HECW2: variants seen among roughly 807,000 people sequenced by gnomAD.
HECW2 encodes HECT, C2 and WW domain containing E3 ubiquitin protein ligase 2.
Under a neutral mutation model 175.2 loss-of-function variants are expected in HECW2, and 61 were observed. The observed-to-expected ratio is 0.35, with a 90% CI of 0.28 to 0.43. The LOEUF (loss-of-function observed/expected upper bound fraction) is 0.43, where lower values mean the gene tolerates loss of function less well. Ranked by LOEUF, HECW2 falls within the 20% of genes least tolerant of loss-of-function variation. The pLI is 1.00. For missense variants in HECW2, 1,524 were observed against 2,000.5 expected (o/e 0.76, Z 4.54); for synonymous variants, 671 against 731.0 (o/e 0.92, Z 1.32).
At chr2:196,456,324 T>G (rs987339991) in intron 1 of HECW2, among the ~76,000 whole-genome samples, 9 of 152,218 alleles carry the variant, frequency 5.9e-5, no homozygotes, top group Non-Finnish European at 8.8e-5. Flanking sequence ...ACATATTTAC[T>G]GAACATTTAT....
At position 196,412,049 on chromosome 2, in the gene HECW2, C is replaced by T. The variant is rs565598807; in HGVS notation, c.292+21083G>A. On this transcript the variant is annotated intron_variant, in intron 2 of 28. Transcript: ENST00000644978. ...AATAAATAAATGAATAAAAATTACACGGGAAGATCTTGTTATTCAGTTTAA... is the reference window on the plus strand; with the variant it reads ...AATAAATAAATGAATAAAAATTACATGGGAAGATCTTGTTATTCAGTTTAA... Among the ~76,000 whole-genome samples, 12 of 152,172 alleles carry T rather than the reference C, an allele frequency of 7.9e-5. No individual in the cohort carries two copies. The South Asian group carries it at 1.0e-3, about 13-fold the overall frequency.
intron 1 of HECW2, among the ~76,000 whole-genome samples, chr2:196,490,368 A>G (rs916664417): frequency 5.9e-5 from 9 of 152,190 alleles, no homozygotes; most frequent in Non-Finnish European, 1.0e-4. Flanking sequence ...GTCACCTGAC[A>G]ATGACAGGAG....
intron 2 of HECW2, among the ~76,000 whole-genome samples, chr2:196,428,202 A>T (rs1398291320): frequency 1.3e-5 from 2 of 152,300 alleles, no homozygotes; most frequent in East Asian, 3.9e-4. Context: ...TTCTATAGAG[A>T]CCATCTCTCT....
intron 1 of HECW2, among the ~76,000 whole-genome samples, chr2:196,465,758 G>A (rs1423634669): frequency 6.6e-6 from 1 of 150,830 alleles, no homozygotes; most frequent in Admixed American, 6.6e-5. Flanking sequence ...AACTGATCTG[G>A]ACCACTGATC....
chr2:196,457,688 CTA>C (rs148502782), intron 1 of HECW2, among the ~76,000 whole-genome samples: 12,368 of 152,106 alleles, frequency 0.081, 582 homozygotes, highest in South Asian at 0.16. Flanking sequence ...AGGAGCGGGA[CTA>C]TATGATTTCC....
Position 196,211,410 on chromosome 2 carries a change from G to A in HECW2, c.4607+4455C>T, listed in dbSNP as rs555288413. ...CAAAATACAGAGCTAACCACCGACC[G>A]CGAAGCAGAGGAAGTGCAGTCATGT... On this transcript the variant is annotated intron_variant, in intron 28 of 28. Transcript: ENST00000644978. Among the ~76,000 whole-genome samples, 64 of 152,268 alleles carry A rather than the reference G, an allele frequency of 4.2e-4. 2 individuals carry two copies. The South Asian group carries it at 0.013, about 32-fold the overall frequency.
chr2:196,563,459 A>G (rs1690074589), intron 1 of HECW2, among the ~76,000 whole-genome samples: 4 of 141,220 alleles, frequency 2.8e-5, no homozygotes, highest in African/African-American at 1.3e-4. Context: ...CCAGTTACCC[A>G]GGAGGCTGAG....
intron 28 of HECW2, among the ~76,000 whole-genome samples, chr2:196,211,947 A>G (rs1336886244): frequency 6.6e-6 from 1 of 152,006 alleles, no homozygotes; most frequent in Non-Finnish European, 1.5e-5. Flanking sequence ...GGTTCAAGCG[A>G]TTCTCCTGCC....
chr2:196,413,678 AT>A (rs1695177103), intron 2 of HECW2, among the ~76,000 whole-genome samples: 1 of 152,232 alleles, frequency 6.6e-6, no homozygotes, highest in East Asian at 1.9e-4. Flanking sequence ...ATGAGATAAT[AT>A]TATTAGAAGA....
chr2:196,485,268 G>C (rs980442522), intron 1 of HECW2, among the ~76,000 whole-genome samples: 2 of 152,204 alleles, frequency 1.3e-5, no homozygotes, highest in Non-Finnish European at 2.9e-5. Flanking sequence ...TGAGTTGGGA[G>C]CATAGCACAC....
chr2:196,352,036 CA>C (rs1430388458), intron 2 of HECW2, among the ~76,000 whole-genome samples: 2 of 152,228 alleles, frequency 1.3e-5, no homozygotes, highest in Non-Finnish European at 2.9e-5. Flanking sequence ...GGTGGGTCTT[CA>C]CAACTGAATG....
intron 1 of HECW2, among the ~76,000 whole-genome samples, chr2:196,577,872 C>T (rs904930421): frequency 3.3e-5 from 5 of 152,092 alleles, no homozygotes; most frequent in African/African-American, 1.2e-4. Context: ...AATAAATAAA[C>T]AACAACAACG....
intron 2 of HECW2, among the ~76,000 whole-genome samples, chr2:196,409,710 T>C (rs1695057457): frequency 6.6e-6 from 1 of 152,234 alleles, no homozygotes; most frequent in African/African-American, 2.4e-5. Context: ...ATTTGTCAAG[T>C]GCATGCTACT....
chr2:196,449,173 AG>A (rs1696274078), intron 1 of HECW2, among the ~76,000 whole-genome samples: 1 of 151,550 alleles, frequency 6.6e-6, no homozygotes, highest in Middle Eastern at 3.4e-3. Context: ...GCTGGGCTAC[AG>A]TACCAGCTTC....
chr2:196,514,252 G>A (rs1272903296), intron 1 of HECW2, among the ~76,000 whole-genome samples: 2 of 152,212 alleles, frequency 1.3e-5, no homozygotes, highest in Non-Finnish European at 2.9e-5. Flanking sequence ...ACCCAGCCAG[G>A]TGTGCAAGCA....
At chr2:196,530,171 C>T (rs571398317) in intron 1 of HECW2, among the ~76,000 whole-genome samples, 24 of 152,270 alleles carry the variant, frequency 1.6e-4, no homozygotes, top group African/African-American at 4.1e-4. Flanking sequence ...TGTCCAGTTC[C>T]CCAAAACCTC....
intron 1 of HECW2, among the ~76,000 whole-genome samples, chr2:196,532,902 G>C (rs1226446736): frequency 6.6e-6 from 1 of 152,206 alleles, no homozygotes; most frequent in African/African-American, 2.4e-5. Flanking sequence ...GAACTCTTCT[G>C]TCTAGGCTGC....
At chr2:196,521,298 A>G (rs1283471017) in intron 1 of HECW2, among the ~76,000 whole-genome samples, 5 of 150,204 alleles carry the variant, frequency 3.3e-5, no homozygotes, top group Non-Finnish European at 5.9e-5. Flanking sequence ...AAAAAAAAAA[A>G]AAAAAAAAAG....
chr2:196,250,051 AG>A (rs1417669712), intron 19 of HECW2, among the ~76,000 whole-genome samples: 1 of 152,360 alleles, frequency 6.6e-6, no homozygotes, highest in South Asian at 2.1e-4. Context: ...GAATGTGTGC[AG>A]TCTTCAAGTG....
Sources: allele counts gnomAD v4.1 joint callset (sites outside exome capture counted in the v4.1 genomes callset), GRCh38; gene constraint gnomAD v4.1.1; transcripts MANE v1.5; gene names NCBI Gene and HGNC (gene_info 2026-07-23, HGNC 2026-07-21).